Variants in MYO16 observed in about 807,000 individuals in gnomAD.
The protein encoded by MYO16 is myosin XVI.
In MYO16, 94 loss-of-function variants were observed where a neutral mutation model predicts 205.3. That is an observed-to-expected ratio of 0.46 (90% confidence interval 0.39 to 0.54). The LOEUF (loss-of-function observed/expected upper bound fraction) is 0.54, where lower values mean the gene tolerates loss of function less well. MYO16 is among the 20% of genes least tolerant of loss of function. MYO16 has a pLI of 0.00. For missense variants in MYO16, 2,315 were observed against 2,387.5 expected, an observed-to-expected ratio of 0.97 and a Z score of 0.63; for synonymous variants, 988 against 954.0, an observed-to-expected ratio of 1.04 and a Z score of -0.66.
the MYO16 span, among the ~76,000 whole-genome samples, chr13:108,550,989 T>A: frequency 5.3e-5 from 8 of 152,190 alleles, no homozygotes; most frequent in Non-Finnish European, 1.0e-4. Context: ...TTACCCCTTG[T>A]GCCTTTTTAT....
intron 4 of MYO16, among the ~76,000 whole-genome samples, chr13:108,748,799 A>G (rs1303025286): frequency 6.6e-6 from 1 of 152,190 alleles, no homozygotes; most frequent in Admixed American, 6.5e-5. Flanking sequence ...CTGGAAACAC[A>G]TCTTAAACCT....
At chr13:108,992,598 C>G (rs1884873240) in intron 21 of MYO16, 150 bp downstream of exon 21, 1 of 547,878 alleles carries the variant, frequency 1.8e-6, no homozygotes. Context: ...TCTGGTTTAT[C>G]AATATATTAA....
rs1887400456 is a variant in MYO16, at chr13:109,055,827, T to G, written c.3335+232T>G. On this transcript the variant is annotated intron_variant, in intron 27 of 34. Transcript: ENST00000457511. This position sits in a 1 kb window ranked among gnomAD's most constrained non-coding sequence, Gnocchi z 5.0. Reference sequence around the variant, plus strand: ...GAGGACAGTATCTTGGAAACCATTCTCATGTTCCTTTCAAAGTGTGGCTTT... The same window carrying G: ...GAGGACAGTATCTTGGAAACCATTCGCATGTTCCTTTCAAAGTGTGGCTTT... 2 of 394,780 alleles carry G rather than the reference T, an allele frequency of 5.1e-6. No homozygotes were observed. Among genetic ancestry groups the G allele is most frequent in the South Asian group, 5.9e-5 (1 of 16,962 alleles). The allele number at this position is 394,780 out of a possible 1,614,324, so 24.5% of individuals were successfully genotyped here.
intron 34 of MYO16, among the ~76,000 whole-genome samples, chr13:109,193,102 A>ACTCT (rs138042061): frequency 2.7e-5 from 4 of 149,662 alleles, no homozygotes; most frequent in African/African-American, 9.8e-5. Flanking sequence ...CTTCATACAT[A>ACTCT]CTCTCTCTCT....
intron 16 of MYO16, among the ~76,000 whole-genome samples, chr13:108,955,708 G>A (rs1226186093): frequency 7.9e-5 from 12 of 152,028 alleles, no homozygotes; most frequent in Admixed American, 4.6e-4. Context: ...AAAATTAGCC[G>A]GGCACGGTGG....
the MYO16 span, among the ~76,000 whole-genome samples, chr13:108,538,596 C>T: frequency 6.6e-6 from 1 of 151,964 alleles, no homozygotes; most frequent in African/African-American, 2.4e-5. Flanking sequence ...GGTAGAGGAA[C>T]CTATGGGTGA....
intron 23 of MYO16, among the ~76,000 whole-genome samples, chr13:109,023,609 T>G (rs1264575041): frequency 3.1e-4 from 38 of 124,138 alleles, no homozygotes; most frequent in African/African-American, 9.4e-4. Flanking sequence ...ATGTACATAT[T>G]TATATATACA....
the MYO16 span, among the ~76,000 whole-genome samples, chr13:108,582,550 G>A: frequency 6.6e-6 from 1 of 152,218 alleles, no homozygotes; most frequent in African/African-American, 2.4e-5. Flanking sequence ...AATTCATAGT[G>A]TAAGTTCCCG....
intron 22 of MYO16, among the ~76,000 whole-genome samples, chr13:109,014,541 A>G (rs943950759): frequency 4.6e-5 from 7 of 152,156 alleles, no homozygotes; most frequent in African/African-American, 1.4e-4. Context: ...CATTGAATCT[A>G]TAAATTACCT....
chr13:108,590,840 G>A, the MYO16 span, among the ~76,000 whole-genome samples: 1 of 152,142 alleles, frequency 6.6e-6, no homozygotes, highest in South Asian at 2.1e-4. Flanking sequence ...GCCTTCAGAA[G>A]GAGCACAACC....
At chr13:108,528,690 TCTCCTTTCCC>T in the MYO16 span, among the ~76,000 whole-genome samples, 1 of 88,876 alleles carries the variant, frequency 1.1e-5, no homozygotes, top group African/African-American at 4.6e-5. Context: ...TCTCGTCTCC[TCTCCTTTCCC>T]CTCCTCTCCC....
At chr13:108,560,182 T>C in the MYO16 span, among the ~76,000 whole-genome samples, 1 of 152,218 alleles carries the variant, frequency 6.6e-6, no homozygotes, top group African/African-American at 2.4e-5. Flanking sequence ...TAAGCTAAGA[T>C]GAAAGAACTC....
At chr13:108,921,670 C>T (rs936082470) in intron 16 of MYO16, among the ~76,000 whole-genome samples, 5 of 152,232 alleles carry the variant, frequency 3.3e-5, no homozygotes, top group Admixed American at 2.6e-4. Context: ...ATTATATCCT[C>T]AATACAGGGT....
chr13:108,601,218 T>C (rs1566499096), intron 1 of MYO16, among the ~76,000 whole-genome samples: 1 of 152,142 alleles, frequency 6.6e-6, no homozygotes, highest in Non-Finnish European at 1.5e-5. Context: ...AAGTAACATC[T>C]AGTATTTGAT....
At chr13:108,873,561 C>T (rs184652803) in intron 12 of MYO16, among the ~76,000 whole-genome samples, 26 of 152,348 alleles carry the variant, frequency 1.7e-4, no homozygotes, top group Admixed American at 4.6e-4. Flanking sequence ...CGGGTCACAG[C>T]GGGCGAGTCA....
At chr13:108,886,033 G>C (rs560613469) in intron 13 of MYO16, among the ~76,000 whole-genome samples, 1 of 152,114 alleles carries the variant, frequency 6.6e-6, no homozygotes, top group Non-Finnish European at 1.5e-5. Flanking sequence ...TGTCGCCCAG[G>C]CTGGAGTGCA....
chr13:108,985,952 A>G (rs1354074610), intron 20 of MYO16, among the ~76,000 whole-genome samples: 1 of 152,194 alleles, frequency 6.6e-6, no homozygotes. Context: ...ATTTATTAAG[A>G]AAAAGAGGTT....
rs1226953484 is a variant in MYO16, at chr13:109,007,320, G to A, written c.2443-1577G>A. On this transcript the variant is annotated intron_variant, in intron 21 of 34. Coordinates refer to ENST00000457511, the MANE Select transcript of MYO16 (RefSeq NM_001198950.3). Reference sequence around the variant, plus strand: ...GGATAATGGTGTGAACCCGTGAGGCGGAGCTTGCAGTGAGCCGAGATGGCG... The same window carrying A: ...GGATAATGGTGTGAACCCGTGAGGCAGAGCTTGCAGTGAGCCGAGATGGCG... 3.3e-5 allele frequency among the ~76,000 whole-genome samples: 5 copies of A among 151,928 alleles called. 1 individual carries two copies. The highest frequency in any genetic ancestry group is 4.2e-4 in the South Asian group (2 of 4,810).
rs555005021 is a variant in MYO16, at chr13:109,122,156, C to A, written c.3535+1690C>A. On this transcript the variant is annotated intron_variant, in intron 29 of 34. Transcript: ENST00000457511. The stretch of plus-strand genomic sequence containing the variant: ...TCCAGAGCTTTATCTGCAGCCTTAG[C>A]TGAAACTGGGACAGGGAGAGTCTCA... Among the ~76,000 whole-genome samples the A allele has an allele frequency of 3.3e-5, 5 of 152,278 alleles. No homozygotes were observed. In the South Asian group the frequency reaches 1.0e-3, roughly 32 times the overall value.
Sources: gnomAD v4.1 joint callset for allele counts (sites outside exome capture counted in the v4.1 genomes callset) on GRCh38, gnomAD v4.1.1 for gene constraint, Gnocchi (gnomAD v3.1) non-coding constraint, MANE v1.5 for transcripts, NCBI Gene and HGNC (gene_info 2026-07-23, HGNC 2026-07-21) for gene names.